Variants in USPL1 observed in about 807,000 individuals in gnomAD.
USPL1 encodes ubiquitin specific peptidase like 1.
A neutral mutation model predicts 51.5 loss-of-function variants in USPL1; 27 were observed. That is an observed-to-expected ratio of 0.52 (90% CI 0.39 to 0.72). USPL1 has a LOEUF of 0.72. Ranked by LOEUF, USPL1 falls within the 30% of genes least tolerant of loss-of-function variation. The pLI is 0.00. For missense variants in USPL1, 1,226 were observed against 1,268.0 expected, an observed-to-expected ratio of 0.97 and a Z score of 0.50; for synonymous variants, 451 against 459.6, an observed-to-expected ratio of 0.98 and a Z score of 0.24.
At chr13:30,634,136 G>A (rs1950843697) in intron 4 of USPL1, among the ~76,000 whole-genome samples, 1 of 152,104 alleles carries the variant, frequency 6.6e-6, no homozygotes, top group Admixed American at 6.6e-5. Flanking sequence ...CTATGCTCGT[G>A]CTTTGGGGCC....
intron 6 of USPL1, among the ~76,000 whole-genome samples, chr13:30,646,232 C>T (rs1951016073): frequency 6.6e-6 from 1 of 152,158 alleles, no homozygotes; most frequent in Non-Finnish European, 1.5e-5. Flanking sequence ...GTTTAGTGTA[C>T]ATCTTTAAAG....
Position 30,645,767 on chromosome 13 carries a change from G to T in USPL1, c.1113-1165G>T, listed in dbSNP as rs554308308. ...ACATAGTCTTCAGAGGCAGATCTCA[G>T]GTCTGTTATTTATCACTGTACTCTA... On this transcript the variant is annotated intron_variant, in intron 6 of 8. Coordinates refer to ENST00000255304, the MANE Select transcript of USPL1 (RefSeq NM_005800.5). Among the ~76,000 whole-genome samples, 9 of 152,278 alleles carry T rather than the reference G, an allele frequency of 5.9e-5. No homozygotes were observed. In the East Asian group the frequency reaches 1.7e-3, roughly 29 times the overall value.
Position 30,650,094 on chromosome 13 carries a change from G to A in USPL1, c.1238+3037G>A, listed in dbSNP as rs1200623918. Among the ~76,000 whole-genome samples, 7 of 152,134 alleles carry A rather than the reference G, an allele frequency of 4.6e-5. No individual in the cohort carries two copies. The East Asian group carries it at 1.4e-3, about 29-fold the overall frequency. Reference sequence around the variant, plus strand: ...GTTGGTCTCGAACTCCCGACCTCAGGTAATCCACCTGCCTTGGCCTCCCAA... The same window carrying A: ...GTTGGTCTCGAACTCCCGACCTCAGATAATCCACCTGCCTTGGCCTCCCAA... On this transcript the variant is annotated intron_variant, in intron 7 of 8. Transcript: ENST00000255304.
intron 4 of USPL1, among the ~76,000 whole-genome samples, chr13:30,635,528 T>TA (rs1368430353): frequency 1.3e-5 from 2 of 152,222 alleles, no homozygotes; most frequent in African/African-American, 4.8e-5. Context: ...CTTTTTAAAT[T>TA]ATTATGGCTA....
chr13:30,655,730 T>C (rs867420768), intron 8 of USPL1, among the ~76,000 whole-genome samples: 2 of 152,234 alleles, frequency 1.3e-5, no homozygotes, highest in African/African-American at 2.4e-5. Flanking sequence ...ACTTCTCTAC[T>C]GCTAAAACAA....
At position 30,657,683 on chromosome 13, in the gene USPL1, G is replaced by C; in HGVS notation, c.1606G>C (p.Val536Leu). ...EKPVSLTSCS[V>L]GDAASAETAS... is the part of the protein sequence containing the mutation. The stretch of plus-strand genomic sequence containing the variant: ...ACCAGTATCTTTAACATCGTGTTCT[G>C]TGGGTGATGCTGCCTCAGCTGAAAC... The change falls in exon 9 of 9, where the codon GTG (valine) becomes CTG (leucine). Residue 536 changes from valine to leucine, a missense_variant. Physicochemically the swap from Val to Leu is conservative, Grantham distance 32. Transcript: ENST00000255304. 6.2e-7 allele frequency: 1 copy of C among 1,614,142 alleles called. No individual in the cohort carries two copies.
At chr13:30,636,840 G>A (rs1950882765) in intron 4 of USPL1, among the ~76,000 whole-genome samples, 1 of 152,202 alleles carries the variant, frequency 6.6e-6, no homozygotes, top group Non-Finnish European at 1.5e-5. Context: ...TTAATGACCA[G>A]CCCAGGCAAC....
At chr13:30,638,599 T>C (rs975735436) in intron 5 of USPL1, among the ~76,000 whole-genome samples, 2 of 152,012 alleles carry the variant, frequency 1.3e-5, no homozygotes, top group African/African-American at 4.8e-5. Flanking sequence ...GGTTTTTTTG[T>C]TTGTTTTTGT....
chr13:30,620,562 A>G (rs1320896379), intron 1 of USPL1, among the ~76,000 whole-genome samples: 2 of 152,220 alleles, frequency 1.3e-5, no homozygotes, highest in African/African-American at 4.8e-5. Context: ...ATAATTTGTT[A>G]GCAGCTTTTA....
At chr13:30,650,215 G>A (rs1195634828) in intron 7 of USPL1, among the ~76,000 whole-genome samples, 2 of 152,142 alleles carry the variant, frequency 1.3e-5, no homozygotes. Flanking sequence ...GAAGGGGAAG[G>A]ATATTATTTG....
intron 3 of USPL1, among the ~76,000 whole-genome samples, chr13:30,626,562 C>T (rs1373370407): frequency 6.6e-6 from 1 of 152,154 alleles, no homozygotes; most frequent in African/African-American, 2.4e-5. Context: ...TATCAGTAAA[C>T]TTTGCTGATC....
At position 30,631,350 on chromosome 13, in the gene USPL1, G is replaced by C. The variant is rs755717762; in HGVS notation, c.744G>C (p.Ser248=). Residue 248 remains serine, a synonymous_variant, in exon 4 of 9, where the codon TCG becomes TCC. Coordinates refer to ENST00000255304, the MANE Select transcript of USPL1 (RefSeq NM_005800.5). ...GTATCCTGTCAGCTTTGGTGCACTC[G>C]GAAGAGTTAAAGAACACCGTGACTG... ...LDCILSALVH[S]EELKNTVTGL... The C allele has an allele frequency of 6.2e-7, 1 of 1,614,138 alleles. No homozygotes were observed. The highest frequency in any genetic ancestry group is 8.5e-7 in the Non-Finnish European group (1 of 1,180,020).
At chr13:30,653,703 A>G (rs1951122375) in intron 8 of USPL1, among the ~76,000 whole-genome samples, 1 of 152,244 alleles carries the variant, frequency 6.6e-6, no homozygotes, top group South Asian at 2.1e-4. Flanking sequence ...ATAGTTTACT[A>G]ACAGCTACCA....
rs777640498 is a variant in USPL1, at chr13:30,658,143, A to G, written c.2066A>G (p.Gln689Arg). 6.2e-7 allele frequency: 1 copy of G among 1,613,578 alleles called. No homozygotes were observed. The highest frequency in any genetic ancestry group is 1.1e-5 in the South Asian group (1 of 90,904). The change falls in exon 9 of 9, where the codon CAG becomes CGG. Residue 689 changes from glutamine (Q) to arginine (R), a missense_variant. Gln to Arg is a conservative substitution (Grantham distance 43, BLOSUM62 1). Transcript: ENST00000255304. ...AATACTGATGCTACTGGTCTTATAC[A>G]GGGAGTGAAGTCAGTAGAAATTGAG... Reference protein sequence around the residue: ...VNNTDATGLIQGVKSVEIEKD... With the variant: ...VNNTDATGLIRGVKSVEIEKD...
chr13:30,649,705 G>A (rs1013619564), intron 7 of USPL1, among the ~76,000 whole-genome samples: 2 of 152,236 alleles, frequency 1.3e-5, no homozygotes, highest in African/African-American at 4.8e-5. Flanking sequence ...TTGTAGCACA[G>A]GGACGCGATA....
chr13:30,621,831 A>G lies in USPL1; in HGVS notation c.167A>G (p.Lys56Arg). ...GCTTGTAGAGAGAAGGGAAAGTTAAAAGCCTTAAAGACTTACCGAATTAGT... is the reference window on the plus strand; with the variant it reads ...GCTTGTAGAGAGAAGGGAAAGTTAAGAGCCTTAAAGACTTACCGAATTAGT... Reference protein sequence around the residue: ...CPACREKGKLKALKTYRISFQ... With the variant: ...CPACREKGKLRALKTYRISFQ... The change falls in exon 3 of 9, where the codon AAA (lysine) becomes AGA (arginine). Residue 56 changes from lysine to arginine, a missense_variant. Lys to Arg is a conservative substitution (Grantham distance 26). Coordinates refer to ENST00000255304, the MANE Select transcript of USPL1 (RefSeq NM_005800.5). 1 of 1,589,336 alleles carries G rather than the reference A, an allele frequency of 6.3e-7. No individual in the cohort carries two copies.
intron 4 of USPL1, among the ~76,000 whole-genome samples, chr13:30,632,554 C>CA (rs1337723674): frequency 2.6e-5 from 4 of 151,854 alleles, no homozygotes; most frequent in Non-Finnish European, 1.5e-5. Context: ...GCTGGGACTA[C>CA]AGGCGCCCAC....
chr13:30,628,043 A>T (rs1593363989), intron 3 of USPL1, among the ~76,000 whole-genome samples: 3 of 127,008 alleles, frequency 2.4e-5, no homozygotes, highest in Admixed American at 8.2e-5. Context: ...TGCCTGGCTA[A>T]TTTTTTTTTT....
intron 4 of USPL1, among the ~76,000 whole-genome samples, chr13:30,635,917 G>C (rs9579622): frequency 0.03 from 4,528 of 152,182 alleles, 245 homozygotes; most frequent in African/African-American, 0.1. Context: ...TTTCAGAATG[G>C]TTGTACCAAT....
Sources: gnomAD v4.1 joint callset for allele counts (sites outside exome capture counted in the v4.1 genomes callset) on GRCh38, gnomAD v4.1.1 for gene constraint, MANE v1.5 for transcripts, NCBI Gene and HGNC (gene_info 2026-07-23, HGNC 2026-07-21) for gene names.